Variants in JPH3 observed in about 807,000 individuals in gnomAD.
JPH3 encodes the protein junctophilin 3, also known as junctophilin-3.
A neutral mutation model predicts 59.6 loss-of-function variants in JPH3; 11 were observed. The ratio of observed to expected loss-of-function variants is 0.18; its 90% confidence interval spans 0.12 to 0.31. The LOEUF (loss-of-function observed/expected upper bound fraction) is 0.31, where lower values mean the gene tolerates loss of function less well. Among genes scored for constraint, JPH3 ranks in the 10% least tolerant of loss-of-function variants. The pLI is 1.00. For synonymous variants in JPH3, 673 were observed against 483.6 expected (o/e 1.39, Z -5.14); for missense variants, 1,202 against 1,105.7 (o/e 1.09, Z -1.24).
At chr16:87,625,447 A>C (rs1303070076) in intron 1 of JPH3, among the ~76,000 whole-genome samples, 2 of 152,134 alleles carry the variant, frequency 1.3e-5, no homozygotes, top group Non-Finnish European at 2.9e-5. Context: ...CACCCACCTG[A>C]GAGGTCTGAA....
rs939249189 is a variant in JPH3 at position 87,696,940 on chromosome 16, A to C, written c.*280A>C. 3.4e-5 allele frequency: 15 copies of C among 438,570 alleles called. No homozygotes were observed. The highest frequency in any genetic ancestry group is 2.4e-4 in the African/African-American group (12 of 50,004). The allele number at this position is 438,570 out of a possible 1,614,324, so 27.2% of individuals were successfully genotyped here. On this transcript the variant is annotated 3_prime_UTR_variant, in exon 5 of 5. Transcript: ENST00000284262. ...AGCCCCTCCAGCTCCACGTGGAGACAGAAGGGATCCCGGCACATCAGTGGT... is the reference window on the plus strand; with the variant it reads ...AGCCCCTCCAGCTCCACGTGGAGACCGAAGGGATCCCGGCACATCAGTGGT...
In JPH3 at chr16:87,614,330, C is replaced by T. The variant is rs111879767; in HGVS notation, c.382+10802C>T. Among the ~76,000 whole-genome samples, 23 of 151,178 alleles carry T rather than the reference C, an allele frequency of 1.5e-4. 1 individual carries two copies. Among genetic ancestry groups the T allele is most frequent in the African/African-American group, 4.4e-4 (18 of 40,932 alleles). On this transcript the variant is annotated intron_variant, in intron 1 of 4. Transcript: ENST00000284262. ...CCAAGGATAAAGGCAGGTCCCTGTACACAGGAGGAGCTGTGCGTCCCCTCC... is the reference window on the plus strand; with the variant it reads ...CCAAGGATAAAGGCAGGTCCCTGTATACAGGAGGAGCTGTGCGTCCCCTCC...
intron 1 of JPH3, among the ~76,000 whole-genome samples, chr16:87,610,128 G>C (rs2030677447): frequency 1.3e-5 from 2 of 152,308 alleles, no homozygotes; most frequent in South Asian, 4.1e-4. Flanking sequence ...AGAATCTAAT[G>C]CTGCTGCTGA....
chr16:87,637,394 GA>G (rs2031788350), intron 1 of JPH3, among the ~76,000 whole-genome samples: 3 of 135,922 alleles, frequency 2.2e-5, no homozygotes, highest in African/African-American at 2.9e-5. Flanking sequence ...TTATGGGGGA[GA>G]GAGAGAGAGA....
chr16:87,630,367 C>T (rs1323104075), intron 1 of JPH3, among the ~76,000 whole-genome samples: 2 of 152,214 alleles, frequency 1.3e-5, no homozygotes, highest in Non-Finnish European at 2.9e-5. Flanking sequence ...GACCTTCTGA[C>T]ACCACCTCTG....
chr16:87,607,495 C>T (rs979868252), intron 1 of JPH3, among the ~76,000 whole-genome samples: 5 of 152,256 alleles, frequency 3.3e-5, no homozygotes. Context: ...ATTTTCCACC[C>T]CGTCCCCCAG....
chr16:87,685,584 G>T (rs1023236577), intron 3 of JPH3, among the ~76,000 whole-genome samples: 4 of 152,274 alleles, frequency 2.6e-5, no homozygotes, highest in Admixed American at 1.3e-4. Context: ...CAGTGCTGCG[G>T]GATGGACGAA....
Position 87,644,775 on chromosome 16 carries a change from C to T in JPH3, c.900C>T (p.Phe300=), listed in dbSNP as rs139015848. 366 of 1,613,288 alleles carry T rather than the reference C, an allele frequency of 2.3e-4. No individual in the cohort carries two copies. The East Asian group carries it at 2.8e-3, about 12-fold the overall frequency. The change falls in exon 2 of 5, where the codon TTC becomes TTT. Residue 300 remains phenylalanine, a synonymous_variant. Coordinates refer to ENST00000284262, the MANE Select transcript of JPH3 (RefSeq NM_020655.4). Reference sequence around the variant, plus strand: ...GGAAGAACGACAAACGCTCCGGCTTCGGCGTGAGCCAGCGCTCGGACGGGC... The same window carrying T: ...GGAAGAACGACAAACGCTCCGGCTTTGGCGTGAGCCAGCGCTCGGACGGGC... ...GEWKNDKRSG[F]GVSQRSDGLK... is the part of the protein sequence containing the mutation.
chr16:87,671,395 C>T (rs1408540861), intron 2 of JPH3, among the ~76,000 whole-genome samples: 5 of 152,200 alleles, frequency 3.3e-5, no homozygotes, highest in African/African-American at 4.8e-5. Context: ...CCACCCACCC[C>T]GGATGACAGC....
At chr16:87,691,026 G>A (rs1481511465) in intron 4 of JPH3, among the ~76,000 whole-genome samples, 1 of 151,982 alleles carries the variant, frequency 6.6e-6, no homozygotes, top group Non-Finnish European at 1.5e-5. Flanking sequence ...GGGTGTTGGG[G>A]TTGGAGCCGG....
intron 2 of JPH3, among the ~76,000 whole-genome samples, chr16:87,647,715 G>A (rs764686454): frequency 7.2e-5 from 11 of 152,150 alleles, no homozygotes; most frequent in Non-Finnish European, 1.5e-4. Flanking sequence ...CACCACTCAC[G>A]GCCTCCTCAC....
At chr16:87,689,609 G>T in intron 3 of JPH3, 37 bp from the exon 4 acceptor site, 1 of 1,599,866 alleles carries the variant, frequency 6.3e-7, no homozygotes, top group Non-Finnish European at 8.5e-7. Flanking sequence ...AATGTGCTGG[G>T]TAACGCCGTC....
intron 1 of JPH3, among the ~76,000 whole-genome samples, chr16:87,630,432 C>T (rs2031528587): frequency 6.6e-6 from 1 of 152,240 alleles, no homozygotes; most frequent in South Asian, 2.1e-4. Context: ...CCCTTCCTGG[C>T]ATTCCCCAGC....
At chr16:87,651,395 A>G (rs1400809305) in intron 2 of JPH3, among the ~76,000 whole-genome samples, 2 of 152,236 alleles carry the variant, frequency 1.3e-5, no homozygotes, top group Non-Finnish European at 2.9e-5. Context: ...ACATTTAGTA[A>G]GGCTGCCATA....
At chr16:87,656,036 G>A (rs566004536) in intron 2 of JPH3, among the ~76,000 whole-genome samples, 10 of 152,332 alleles carry the variant, frequency 6.6e-5, no homozygotes, top group Non-Finnish European at 1.2e-4. Context: ...GGGTCTCTTG[G>A]GGGATTATTG....
At chr16:87,691,344 T>A (rs1359732299) in intron 4 of JPH3, among the ~76,000 whole-genome samples, 15 of 152,120 alleles carry the variant, frequency 9.9e-5, no homozygotes, top group Non-Finnish European at 8.8e-5. Context: ...CTACATAGGA[T>A]CTGCGCACGG....
At chr16:87,631,554 C>A (rs967493978) in intron 1 of JPH3, among the ~76,000 whole-genome samples, 1 of 152,118 alleles carries the variant, frequency 6.6e-6, no homozygotes, top group African/African-American at 2.4e-5. Context: ...GAATTTCATG[C>A]CACTGTATCT....
chr16:87,674,738 T>C (rs1172219908), intron 2 of JPH3, among the ~76,000 whole-genome samples: 1 of 152,128 alleles, frequency 6.6e-6, no homozygotes, highest in African/African-American at 2.4e-5. Flanking sequence ...CTAAAGAACT[T>C]GTGTTTTACT....
intron 2 of JPH3, among the ~76,000 whole-genome samples, chr16:87,659,502 A>G (rs2032633030): frequency 1.3e-5 from 2 of 151,946 alleles, no homozygotes; most frequent in African/African-American, 4.8e-5. Flanking sequence ...TGGGTGAATC[A>G]CTTGAGGTCA....
Sources: allele counts gnomAD v4.1 joint callset (sites outside exome capture counted in the v4.1 genomes callset), GRCh38; gene constraint gnomAD v4.1.1; transcripts MANE v1.5; gene names NCBI Gene and HGNC (gene_info 2026-07-23, HGNC 2026-07-21).